Variants in SLC13A3 observed in about 807,000 individuals in gnomAD.
The protein encoded by SLC13A3 is solute carrier family 13 member 3.
Under a neutral mutation model 59.0 loss-of-function variants are expected in SLC13A3, and 40 were observed. That is an observed-to-expected ratio of 0.68 (90% CI 0.53 to 0.88). The LOEUF is 0.88. SLC13A3 is among the 40% of genes least tolerant of loss of function. The pLI is 0.00. For synonymous variants in SLC13A3, 317 were observed against 330.3 expected (o/e 0.96, Z 0.44); for missense variants, 699 against 783.2 (o/e 0.89, Z 1.28).
intron 1 of SLC13A3, among the ~76,000 whole-genome samples, chr20:46,662,684 G>A (rs1391806925): frequency 6.6e-6 from 1 of 152,212 alleles, no homozygotes; most frequent in Non-Finnish European, 1.5e-5. Flanking sequence ...AAAATGTTCT[G>A]ATGAGAAGTC....
intron 1 of SLC13A3, among the ~76,000 whole-genome samples, chr20:46,658,611 T>A (rs1350544091): frequency 6.6e-6 from 1 of 152,150 alleles, no homozygotes; most frequent in Non-Finnish European, 1.5e-5. Context: ...AGCCCAGGAG[T>A]TCGAGACCAG....
upstream of SLC13A3, among the ~76,000 whole-genome samples, chr20:46,674,167 C>T (rs1446026048): frequency 6.6e-6 from 1 of 152,142 alleles, no homozygotes; most frequent in Non-Finnish European, 1.5e-5. Context: ...CACCTCCGCA[C>T]CCTGACCCCC....
At chr20:46,654,394 C>T (rs938242182), upstream of SLC13A3, among the ~76,000 whole-genome samples, 2 of 152,164 alleles carry the variant, frequency 1.3e-5, no homozygotes, top group East Asian at 1.9e-4. Context: ...TGCCATTTAA[C>T]CAATTCCAGC....
intron 2 of SLC13A3, among the ~76,000 whole-genome samples, chr20:46,612,068 C>CTTTA (rs1555879601): frequency 7.1e-6 from 1 of 141,812 alleles, no homozygotes; most frequent in Non-Finnish European, 1.5e-5. Context: ...TTTTCTCTTT[C>CTTTA]TTTTTTTTCT....
intron 5 of SLC13A3, 123 bp downstream of exon 5, chr20:46,596,034 G>T: frequency 1.2e-6 from 1 of 861,322 alleles, no homozygotes; most frequent in Non-Finnish European, 1.8e-6. Context: ...TTTGTGCATT[G>T]CTGTGTTCCC....
At chr20:46,617,455 C>T (rs541199443) in intron 1 of SLC13A3, among the ~76,000 whole-genome samples, 2 of 149,506 alleles carry the variant, frequency 1.3e-5, no homozygotes, top group Non-Finnish European at 3.0e-5. Flanking sequence ...GAAACCTGGT[C>T]TCTAAAAACC....
intron 9 of SLC13A3, among the ~76,000 whole-genome samples, chr20:46,577,265 C>T (rs530050347): frequency 6.9e-6 from 1 of 145,298 alleles, no homozygotes; most frequent in African/African-American, 2.5e-5. Flanking sequence ...ATGTATCAGT[C>T]CACAAGTGTA....
At chr20:46,666,426 T>G (rs1388404797) in intron 1 of SLC13A3, among the ~76,000 whole-genome samples, 3 of 152,196 alleles carry the variant, frequency 2.0e-5, no homozygotes, top group African/African-American at 7.2e-5. Context: ...ATAACTACTT[T>G]TGACTGAAAG....
intron 3 of SLC13A3, among the ~76,000 whole-genome samples, chr20:46,603,549 A>ATTT (rs111841623): frequency 4.7e-5 from 6 of 126,398 alleles, no homozygotes; most frequent in African/African-American, 1.4e-4. Flanking sequence ...TAATTGTTGT[A>ATTT]TTTTTTTTTT....
At position 46,558,097 on chromosome 20, in the gene SLC13A3, A is replaced by AAC. The variant is rs3092272; in HGVS notation, c.*1924_*1925insGT. The AAC allele has an allele frequency of 6.6e-6, 1 of 151,636 alleles. No homozygotes were observed. Among genetic ancestry groups the AAC allele is most frequent in the African/African-American group, 2.4e-5 (1 of 41,246 alleles). 9.4% of individuals were successfully genotyped at this position (151,636 alleles called of 1,614,324 possible). On this transcript the variant is annotated 3_prime_UTR_variant, in exon 13 of 13. Transcript: ENST00000279027. ...AAGAAAATAAGTTATACAGTGTCCTATTAAGGAGAAATTATAGCAGAGTAA... is the reference window on the plus strand; with the variant it reads ...AAGAAAATAAGTTATACAGTGTCCTAACTTAAGGAGAAATTATAGCAGAGTAA...
intron 1 of SLC13A3, among the ~76,000 whole-genome samples, chr20:46,643,365 C>G (rs2062863224): frequency 6.6e-6 from 1 of 152,110 alleles, no homozygotes; most frequent in South Asian, 2.1e-4. Context: ...CAGGGACGGC[C>G]TTTTCGGAGG....
intron 1 of SLC13A3, among the ~76,000 whole-genome samples, chr20:46,643,411 A>G (rs1427732478): frequency 1.3e-5 from 2 of 152,156 alleles, no homozygotes; most frequent in Non-Finnish European, 2.9e-5. Context: ...GGGAAGGAGC[A>G]AGACTTGCGG....
In SLC13A3 at chr20:46,563,502, A is replaced by G. The variant is rs750811142; in HGVS notation, c.1544T>C (p.Val515Ala). 1.9e-6 allele frequency: 3 copies of G among 1,614,006 alleles called. No homozygotes were observed. The highest frequency in any genetic ancestry group is 2.5e-6 in the Non-Finnish European group (3 of 1,180,034). ...HPLYLMIPGT[V>A]GCSFAFMLPV... ...GAGCATGAAGGCAAAGGAGCAGCCG[A>G]CTGTGCCCGGAATCATCAGATACAG... The change falls in exon 12 of 13, where the codon GTC (valine) becomes GCC (alanine). Residue 515 changes from valine to alanine, a missense_variant. Physicochemically the swap from Val to Ala is moderately conservative, Grantham distance 64. Transcript: ENST00000279027.
chr20:46,605,581 A>G (rs376268148), intron 3 of SLC13A3, among the ~76,000 whole-genome samples: 19 of 152,274 alleles, frequency 1.2e-4, no homozygotes, highest in East Asian at 9.7e-4. Flanking sequence ...TGCAAAGTTT[A>G]TTACCTTCCT....
chr20:46,639,757 C>T (rs1336542014), intron 1 of SLC13A3, among the ~76,000 whole-genome samples: 1 of 152,214 alleles, frequency 6.6e-6, no homozygotes, highest in Non-Finnish European at 1.5e-5. Flanking sequence ...GACCTAGGCT[C>T]AAGTGCCAAC....
intron 9 of SLC13A3, among the ~76,000 whole-genome samples, chr20:46,578,457 C>G (rs1217026754): frequency 6.6e-6 from 1 of 151,774 alleles, no homozygotes; most frequent in Non-Finnish European, 1.5e-5. Context: ...GGGCGGGTCA[C>G]CTGAGGTCAG....
At chr20:46,612,147 T>TTTTTTG (rs1555879622) in intron 2 of SLC13A3, among the ~76,000 whole-genome samples, 3 of 145,558 alleles carry the variant, frequency 2.1e-5, no homozygotes, top group Non-Finnish European at 3.0e-5. Context: ...TTTTTTTTTT[T>TTTTTTG]GAGACAGGGT....
intron 3 of SLC13A3, among the ~76,000 whole-genome samples, chr20:46,600,349 AGAAAG>A (rs1568930034): frequency 6.9e-6 from 1 of 144,184 alleles, no homozygotes; most frequent in Non-Finnish European, 1.5e-5. Flanking sequence ...GGAAAGGAAA[AGAAAG>A]GAAAGGAAAG....
chr20:46,582,733 G>T (rs1312193853), intron 9 of SLC13A3: 2 of 985,090 alleles, frequency 2.0e-6, no homozygotes, highest in African/African-American at 3.5e-5. Context: ...TATCCTGAGT[G>T]ACACTATTTT....
Sources: allele counts gnomAD v4.1 joint callset (sites outside exome capture counted in the v4.1 genomes callset), GRCh38; gene constraint gnomAD v4.1.1; transcripts MANE v1.5; gene names NCBI Gene and HGNC (gene_info 2026-07-23, HGNC 2026-07-21).